Variants in TMEM182 observed in about 807,000 individuals in gnomAD.
TMEM182 encodes the protein transmembrane protein 182.
TMEM182 carries 20 observed loss-of-function variants against 26.8 expected under a neutral mutation model. That is an observed-to-expected ratio of 0.75 (90% CI 0.53 to 1.09). The LOEUF (loss-of-function observed/expected upper bound fraction) is 1.09, where lower values mean the gene tolerates loss of function less well. Ranked by LOEUF, TMEM182 falls within the 50% of genes least tolerant of loss-of-function variation. The pLI, the probability that TMEM182 is intolerant of heterozygous loss-of-function variation, is 0.00. For synonymous variants in TMEM182, 109 were observed against 102.2 expected, an observed-to-expected ratio of 1.07 and a Z score of -0.40; for missense variants, 277 against 275.5, an observed-to-expected ratio of 1.01 and a Z score of -0.04.
chr2:102,752,066 C>A (rs1573489978), intron 1 of TMEM182, among the ~76,000 whole-genome samples: 1 of 152,170 alleles, frequency 6.6e-6, no homozygotes, highest in East Asian at 1.9e-4. Flanking sequence ...CCAAATACAG[C>A]CCCACGGGGA....
At chr2:102,822,716 G>A (rs1682949852) in intron 3 of TMEM182, among the ~76,000 whole-genome samples, 1 of 152,136 alleles carries the variant, frequency 6.6e-6, no homozygotes, top group Non-Finnish European at 1.5e-5. Flanking sequence ...GCAAGTGTGT[G>A]TACTTTGAAA....
chr2:102,748,479 T>G (rs1679780982), intron 1 of TMEM182, among the ~76,000 whole-genome samples: 1 of 152,238 alleles, frequency 6.6e-6, no homozygotes, highest in Non-Finnish European at 1.5e-5. Flanking sequence ...CAAAATAACT[T>G]TTTAATAGAT....
intron 3 of TMEM182, among the ~76,000 whole-genome samples, chr2:102,834,928 C>T (rs1334890369): frequency 6.6e-6 from 1 of 152,164 alleles, no homozygotes. Context: ...CCCGTTTCAC[C>T]TGAGGTGTTA....
At position 102,816,882 on chromosome 2, in the gene TMEM182, T is replaced by C; in HGVS notation, c.*1914T>C. The stretch of plus-strand genomic sequence containing the variant: ...ATTTAAGTTTCACATACAAGCTGCT[T>C]TCGGCAAAGGCTTGAATATTTATAA... On this transcript the variant is annotated 3_prime_UTR_variant, in exon 5 of 5. Transcript: ENST00000412401. 1.0e-6 allele frequency: 1 copy of C among 985,842 alleles called. No individual in the cohort carries two copies. The highest frequency in any genetic ancestry group is 1.2e-6 in the Non-Finnish European group (1 of 829,918). 61.1% of individuals were successfully genotyped at this position (985,842 alleles called of 1,614,324 possible).
chr2:102,838,125 A>C (rs1683281230), intron 3 of TMEM182, among the ~76,000 whole-genome samples: 1 of 152,202 alleles, frequency 6.6e-6, no homozygotes, highest in Non-Finnish European at 1.5e-5. Flanking sequence ...TTTTCTTGAT[A>C]AACCTAATTC....
intron 3 of TMEM182, among the ~76,000 whole-genome samples, chr2:102,793,403 T>G (rs1467414455): frequency 6.6e-6 from 1 of 152,178 alleles, no homozygotes; most frequent in Non-Finnish European, 1.5e-5. Context: ...AGTAGTCTAC[T>G]TTGCCCAAAC....
chr2:102,818,504 C>T (rs1682823496), downstream of TMEM182, among the ~76,000 whole-genome samples: 1 of 152,174 alleles, frequency 6.6e-6, no homozygotes, highest in African/African-American at 2.4e-5. Context: ...GCTCCATCTT[C>T]AGATCAGTGA....
intron 3 of TMEM182, among the ~76,000 whole-genome samples, chr2:102,779,907 G>A (rs1241732078): frequency 6.6e-6 from 1 of 152,172 alleles, no homozygotes; most frequent in African/African-American, 2.4e-5. Flanking sequence ...GGAGGCTGAG[G>A]CAGGAGAATC....
downstream of TMEM182, among the ~76,000 whole-genome samples, chr2:102,821,045 G>A (rs1682906225): frequency 2.6e-5 from 4 of 152,178 alleles, no homozygotes; most frequent in Non-Finnish European, 1.5e-5. Flanking sequence ...AAGTCCTGCA[G>A]TGGCCACAGG....
chr2:102,797,565 G>C lies in TMEM182; in HGVS notation c.332-298G>C, dbSNP rs1025231259. On this transcript the variant is annotated intron_variant, in intron 3 of 4. Coordinates refer to ENST00000412401, the MANE Select transcript of TMEM182 (RefSeq NM_144632.5). ...AGAAGCAAGAACCTTAGGTCTTCTT[G>C]CTTCTAAAATGGAAAATCGTGATGG... 3.9e-5 allele frequency among the ~76,000 whole-genome samples: 6 copies of C among 152,140 alleles called. No individual in the cohort carries two copies. The East Asian group carries it at 5.8e-4, about 15-fold the overall frequency.
At chr2:102,797,715 G>C in intron 3 of TMEM182, 148 bp from the exon 4 acceptor site, 1 of 942,532 alleles carries the variant, frequency 1.1e-6, no homozygotes, top group Non-Finnish European at 1.5e-6. Context: ...TCTCCTGTTT[G>C]TTCAGACCCA....
At chr2:102,777,055 G>A (rs1680947764) in intron 3 of TMEM182, among the ~76,000 whole-genome samples, 1 of 142,896 alleles carries the variant, frequency 7.0e-6, no homozygotes, top group African/African-American at 2.6e-5. Flanking sequence ...GTCCTTTATT[G>A]GATACATGTT....
At chr2:102,762,722 GTAAAATAAAAATGAACAGTTTCT>G in intron 2 of TMEM182, 36 bp downstream of exon 2, 1 of 1,564,056 alleles carries the variant, frequency 6.4e-7, no homozygotes, top group Non-Finnish European at 8.8e-7. Flanking sequence ...CCTCTTGTCT[GTAAAATAAAAATGAACAGTTTCT>G]TACATAGTAT....
intron 4 of TMEM182, among the ~76,000 whole-genome samples, chr2:102,798,946 T>G (rs1335398530): frequency 6.6e-6 from 1 of 152,256 alleles, no homozygotes; most frequent in Non-Finnish European, 1.5e-5. Context: ...CTAATTTAAT[T>G]TCTGCTAAAA....
chr2:102,747,057 T>G (rs1179060016), intron 1 of TMEM182, among the ~76,000 whole-genome samples: 1 of 152,264 alleles, frequency 6.6e-6, no homozygotes, highest in East Asian at 1.9e-4. Flanking sequence ...TCAGTTATAC[T>G]TGTTCTACTG....
chr2:102,743,390 C>T (rs1032624891), intron 1 of TMEM182, among the ~76,000 whole-genome samples: 3 of 152,038 alleles, frequency 2.0e-5, no homozygotes, highest in Non-Finnish European at 2.9e-5. Context: ...CCCAGCTACT[C>T]GGGAGGCAGA....
chr2:102,794,060 ACT>A (rs567657725), intron 3 of TMEM182, among the ~76,000 whole-genome samples: 5 of 152,050 alleles, frequency 3.3e-5, no homozygotes, highest in Non-Finnish European at 7.4e-5. Context: ...ACAGAGCAAG[ACT>A]CTGTCTCAAA....
chr2:102,829,066 C>T (rs1683098876), intron 3 of TMEM182, among the ~76,000 whole-genome samples: 1 of 152,198 alleles, frequency 6.6e-6, no homozygotes, highest in South Asian at 2.1e-4. Flanking sequence ...TGGGTTCCAT[C>T]TTTCTGTTTT....
chr2:102,835,550 A>G (rs1316530341), intron 3 of TMEM182, among the ~76,000 whole-genome samples: 1 of 152,118 alleles, frequency 6.6e-6, no homozygotes, highest in Non-Finnish European at 1.5e-5. Flanking sequence ...TGTATCCACC[A>G]TTATAGTACA....
Sources: gnomAD v4.1 joint callset for allele counts (sites outside exome capture counted in the v4.1 genomes callset) on GRCh38, gnomAD v4.1.1 for gene constraint, MANE v1.5 for transcripts, NCBI Gene and HGNC (gene_info 2026-07-23, HGNC 2026-07-21) for gene names.